The following ANKFN1 variants were observed in gnomAD, a reference collection of about 807,000 sequenced individuals.
ANKFN1 encodes the protein ankyrin repeat and fibronectin type-III domain-containing protein 1.
Under a neutral mutation model 108.7 loss-of-function variants are expected in ANKFN1, and 74 were observed. The observed-to-expected ratio is 0.68, with a 90% CI of 0.56 to 0.83. ANKFN1 has a LOEUF of 0.83. Among genes scored for constraint, ANKFN1 ranks in the 40% least tolerant of loss-of-function variants. ANKFN1 has a pLI of 0.00. For synonymous variants in ANKFN1, 547 were observed against 516.2 expected (o/e 1.06, Z -0.81); for missense variants, 1,505 against 1,382.3 (o/e 1.09, Z -1.41).
chr17:56,174,817 G>A (rs1315590971), intron 1 of ANKFN1, among the ~76,000 whole-genome samples: 1 of 152,180 alleles, frequency 6.6e-6, no homozygotes, highest in Non-Finnish European at 1.5e-5. Flanking sequence ...CCCCCAGACT[G>A]AATGTCAGTG....
In ANKFN1 at chr17:56,466,464, T is replaced by A. The variant is rs145526038; in HGVS notation, c.1666T>A (p.Phe556Ile). The A allele has an allele frequency of 6.2e-7, 1 of 1,614,004 alleles. No individual in the cohort carries two copies. The highest frequency in any genetic ancestry group is 1.3e-5 in the African/African-American group (1 of 74,926). Residue 556 changes from phenylalanine (F) to isoleucine (I), a missense_variant, in exon 15 of 21, where the codon TTT (phenylalanine) becomes ATT (isoleucine). Transcript: ENST00000682825. ...CAGGGAGGTGGAGATGCTTTATTCA[T>A]TTTTTAATGGCAAATGGATGCAGAT... ...TIREVEMLYS[F>I]FNGKWMQISK...
At chr17:56,342,239 T>C (rs1161890226) in intron 4 of ANKFN1, among the ~76,000 whole-genome samples, 5 of 150,486 alleles carry the variant, frequency 3.3e-5, no homozygotes, top group East Asian at 2.0e-4. Flanking sequence ...TTTTTTTTTT[T>C]CAAAGAAAAA....
chr17:56,402,271 C>A (rs9892625), intron 8 of ANKFN1, among the ~76,000 whole-genome samples: 3,179 of 152,048 alleles, frequency 0.021, 113 homozygotes, highest in African/African-American at 0.071. Flanking sequence ...AGGATTGGTA[C>A]CAATTCTTTG....
At chr17:56,489,921 G>T (rs1478964500) in intron 18 of ANKFN1, among the ~76,000 whole-genome samples, 3 of 152,096 alleles carry the variant, frequency 2.0e-5, no homozygotes, top group Non-Finnish European at 2.9e-5. Context: ...CTGTGGAGCT[G>T]CCAGGAAATA....
rs761160145 is a variant in ANKFN1, at chr17:56,515,547, G to A, written c.*4278G>A. Among the ~76,000 whole-genome samples the A allele has an allele frequency of 6.6e-6, 1 of 152,140 alleles. No individual in the cohort carries two copies. The highest frequency in any genetic ancestry group is 1.5e-5 in the Non-Finnish European group (1 of 68,022). On this transcript the variant is annotated 3_prime_UTR_variant, in exon 21 of 21. Coordinates refer to ENST00000682825, the MANE Select transcript of ANKFN1 (RefSeq NM_001370326.1). ...CCTCTCATAAGATGTTCAAACACAT[G>A]GCTTATGACTGTTAAGCTAAACTTC...
intron 15 of ANKFN1, chr17:56,471,955 A>T (rs1309550536): frequency 1.3e-5 from 2 of 152,248 alleles, no homozygotes; most frequent in Admixed American, 1.3e-4. Flanking sequence ...ATGGTCTGGC[A>T]TTAGACACTG....
At chr17:56,275,358 T>C (rs2043900006) in intron 3 of ANKFN1, among the ~76,000 whole-genome samples, 2 of 151,892 alleles carry the variant, frequency 1.3e-5, no homozygotes, top group East Asian at 1.9e-4. Context: ...GGCCCAAGCA[T>C]CTGTACTTTA....
At chr17:56,339,786 A>G (rs2045914175) in intron 4 of ANKFN1, among the ~76,000 whole-genome samples, 1 of 151,984 alleles carries the variant, frequency 6.6e-6, no homozygotes, top group African/African-American at 2.4e-5. Context: ...TGTCTTTATA[A>G]TACAATGGTT....
chr17:56,254,903 A>C (rs552609900), intron 3 of ANKFN1, among the ~76,000 whole-genome samples: 34 of 152,314 alleles, frequency 2.2e-4, no homozygotes, highest in African/African-American at 7.5e-4. Flanking sequence ...CAACCCCCAG[A>C]CACAAAGAAC....
intron 8 of ANKFN1, among the ~76,000 whole-genome samples, chr17:56,411,561 G>T (rs968530172): frequency 2.0e-5 from 3 of 152,124 alleles, no homozygotes; most frequent in Admixed American, 1.3e-4. Context: ...TCCTTTACTT[G>T]TTCCTGATCT....
chr17:56,386,747 C>T (rs1043560546), intron 8 of ANKFN1, among the ~76,000 whole-genome samples: 22 of 151,520 alleles, frequency 1.5e-4, no homozygotes, highest in African/African-American at 4.1e-4. Context: ...TCTCTCTTAT[C>T]GTCTTTTATC....
intron 11 of ANKFN1, among the ~76,000 whole-genome samples, chr17:56,450,881 A>C (rs2049460477): frequency 6.6e-6 from 1 of 152,200 alleles, no homozygotes; most frequent in Non-Finnish European, 1.5e-5. Flanking sequence ...ATAATCAAAA[A>C]ATGATTGCCT....
At chr17:56,231,692 C>T (rs1225749461) in intron 3 of ANKFN1, among the ~76,000 whole-genome samples, 2 of 152,160 alleles carry the variant, frequency 1.3e-5, no homozygotes, top group Non-Finnish European at 2.9e-5. Context: ...ACCTAAATGT[C>T]ACTGCTTCTT....
At chr17:56,484,049 G>A (rs1447842853) in intron 18 of ANKFN1, among the ~76,000 whole-genome samples, 1 of 152,210 alleles carries the variant, frequency 6.6e-6, no homozygotes, top group Non-Finnish European at 1.5e-5. Context: ...GTGGGGTGTT[G>A]AAGAACAAAC....
At chr17:56,387,912 A>C (rs566952758) in intron 8 of ANKFN1, among the ~76,000 whole-genome samples, 6 of 152,212 alleles carry the variant, frequency 3.9e-5, no homozygotes, top group African/African-American at 1.2e-4. Context: ...TCAATCTAAG[A>C]GTCTGTCTTT....
rs138046966 is a variant in ANKFN1 at position 56,324,336 on chromosome 17, C to A, written c.54-1885C>A. ...TACTAAATGTCTATTGAAGAGTAGACTAATGAATACATGGATGAATTAATG... is the reference window on the plus strand; with the variant it reads ...TACTAAATGTCTATTGAAGAGTAGAATAATGAATACATGGATGAATTAATG... On this transcript the variant is annotated intron_variant, in intron 3 of 20. Coordinates refer to ENST00000682825, the MANE Select transcript of ANKFN1 (RefSeq NM_001370326.1). 1.1e-4 allele frequency among the ~76,000 whole-genome samples: 16 copies of A among 152,274 alleles called. No homozygotes were observed. In the South Asian group the frequency reaches 3.3e-3, roughly 32 times the overall value.
At chr17:56,312,017 A>G (rs915401818) in intron 3 of ANKFN1, among the ~76,000 whole-genome samples, 2 of 152,134 alleles carry the variant, frequency 1.3e-5, no homozygotes, top group African/African-American at 4.8e-5. Context: ...TCACCTGAAA[A>G]CTTGGTTCTA....
intron 2 of ANKFN1, among the ~76,000 whole-genome samples, chr17:56,218,660 G>C (rs1159683901): frequency 1.3e-5 from 2 of 152,120 alleles, no homozygotes; most frequent in Non-Finnish European, 2.9e-5. Context: ...TGCTCTGGGA[G>C]AGTGTCTCTG....
At chr17:56,088,389 C>A (rs1484928651) in intron 4 of ANKFN1, among the ~76,000 whole-genome samples, 1 of 151,370 alleles carries the variant, frequency 6.6e-6, no homozygotes, top group Non-Finnish European at 1.5e-5. Flanking sequence ...ACTTACCAAT[C>A]TTGCTGTCTG....
Sources: gnomAD v4.1 joint callset for allele counts (sites outside exome capture counted in the v4.1 genomes callset) on GRCh38, gnomAD v4.1.1 for gene constraint, MANE v1.5 for transcripts, NCBI Gene and HGNC (gene_info 2026-07-23, HGNC 2026-07-21) for gene names.